Variants in CALN1 observed in about 807,000 individuals in gnomAD.
CALN1 encodes calneuron 1, also known as calcium-binding protein 8.
Under a neutral mutation model 30.6 loss-of-function variants are expected in CALN1, and 17 were observed. That is an observed-to-expected ratio of 0.56 (90% confidence interval 0.38 to 0.83). The LOEUF (loss-of-function observed/expected upper bound fraction) is 0.83, where lower values mean the gene tolerates loss of function less well. Among genes scored for constraint, CALN1 ranks in the 40% least tolerant of loss-of-function variants. CALN1 has a pLI of 0.00. For missense variants in CALN1, 291 were observed against 354.9 expected, an observed-to-expected ratio of 0.82 and a Z score of 1.45; for synonymous variants, 156 against 131.4, an observed-to-expected ratio of 1.19 and a Z score of -1.28.
chr7:71,930,800 T>G (rs1253149292), intron 5 of CALN1, among the ~76,000 whole-genome samples: 2 of 152,254 alleles, frequency 1.3e-5, no homozygotes, highest in African/African-American at 2.4e-5. Flanking sequence ...TCTCACATGC[T>G]GTTTTCTGGG....
At chr7:72,337,040 C>T in intron 2 of CALN1, 3 of 985,808 alleles carry the variant, frequency 3.0e-6, no homozygotes, top group African/African-American at 3.5e-5. Context: ...CCCTGCACCG[C>T]GCGCTCCTCT....
At chr7:72,397,714 TCACACACACACACACACACA>T (rs3138810) in intron 2 of CALN1, among the ~76,000 whole-genome samples, 2 of 142,806 alleles carry the variant, frequency 1.4e-5, no homozygotes, top group Non-Finnish European at 3.0e-5. Flanking sequence ...CCATTCTCTC[TCACACACACACACACACACA>T]CACACACACA....
chr7:72,105,960 T>C (rs1236514788), intron 4 of CALN1, among the ~76,000 whole-genome samples, 191 bp downstream of exon 4: 1 of 152,070 alleles, frequency 6.6e-6, no homozygotes, highest in Non-Finnish European at 1.5e-5. Context: ...ATAGTGGCCC[T>C]GAAACCATCT....
chr7:71,885,245 A>G (rs1330948926), intron 5 of CALN1, among the ~76,000 whole-genome samples: 1 of 152,078 alleles, frequency 6.6e-6, no homozygotes, highest in African/African-American at 2.4e-5. Flanking sequence ...TCTGCCTCCC[A>G]GGTTCACACC....
rs552168590 is a variant in CALN1 at position 72,325,516 on chromosome 7, G to A, written c.120-46706C>T. ...CTTGGGAGGCTGAGGCACAAGAATCGCTTGAACCCAGGAGGCAGAGGTTAC... is the reference window on the plus strand; with the variant it reads ...CTTGGGAGGCTGAGGCACAAGAATCACTTGAACCCAGGAGGCAGAGGTTAC... On this transcript the variant is annotated intron_variant, in intron 2 of 6. Coordinates refer to ENST00000395275, the MANE Select transcript of CALN1 (RefSeq NM_031468.4). Among the ~76,000 whole-genome samples, 26 of 152,178 alleles carry A rather than the reference G, an allele frequency of 1.7e-4. 1 individual carries two copies. The South Asian group carries it at 3.7e-3, about 22-fold the overall frequency.
chr7:72,242,758 T>C (rs78608022), intron 3 of CALN1, among the ~76,000 whole-genome samples: 16,176 of 152,046 alleles, frequency 0.11, 1,111 homozygotes, highest in Middle Eastern at 0.19. Flanking sequence ...CGTGGTGGCA[T>C]GTGCCTGTAA....
At chr7:72,138,011 A>C (rs1389212286) in intron 3 of CALN1, among the ~76,000 whole-genome samples, 2 of 152,204 alleles carry the variant, frequency 1.3e-5, no homozygotes, top group Non-Finnish European at 2.9e-5. Flanking sequence ...GAAATTATTT[A>C]AAGTAAAATA....
At chr7:71,796,289 T>C (rs1199483559) in intron 6 of CALN1, among the ~76,000 whole-genome samples, 1 of 152,046 alleles carries the variant, frequency 6.6e-6, no homozygotes, top group East Asian at 1.9e-4. Flanking sequence ...TCAATATATG[T>C]CTTAAATTCT....
intron 3 of CALN1, among the ~76,000 whole-genome samples, chr7:72,113,744 G>A (rs1294559165): frequency 1.3e-5 from 2 of 152,190 alleles, no homozygotes; most frequent in African/African-American, 2.4e-5. Flanking sequence ...AGGAACTGTG[G>A]GGCCCACAAA....
chr7:72,322,102 A>C (rs1017026595), intron 2 of CALN1, among the ~76,000 whole-genome samples: 2 of 152,158 alleles, frequency 1.3e-5, no homozygotes, highest in East Asian at 3.9e-4. Context: ...AAATAATTCT[A>C]CAACTCACCA....
chr7:71,981,032 C>T (rs960256603), intron 5 of CALN1, among the ~76,000 whole-genome samples: 2 of 152,102 alleles, frequency 1.3e-5, no homozygotes, highest in Admixed American at 1.3e-4. Flanking sequence ...CCACACTGCC[C>T]GTGGCTCCCT....
intron 5 of CALN1, among the ~76,000 whole-genome samples, chr7:71,876,513 T>C (rs1039844717): frequency 1.1e-4 from 17 of 152,180 alleles, no homozygotes; most frequent in African/African-American, 4.1e-4. Context: ...TATTCTGTTA[T>C]AGCAACAGAA....
chr7:72,027,729 ACACACAC>A (rs1159424836), intron 4 of CALN1, among the ~76,000 whole-genome samples: 7 of 77,412 alleles, frequency 9.0e-5, no homozygotes, highest in African/African-American at 2.2e-4. Context: ...ACAAACAAAC[ACACACAC>A]ACACACACAC....
chr7:72,237,964 G>A (rs979727443), intron 3 of CALN1, among the ~76,000 whole-genome samples: 3 of 152,190 alleles, frequency 2.0e-5, no homozygotes, highest in Admixed American at 1.3e-4. Flanking sequence ...TTGGCAAGTT[G>A]ATGAATGTAT....
intron 2 of CALN1, among the ~76,000 whole-genome samples, chr7:72,381,874 G>C (rs1221062774): frequency 1.3e-5 from 2 of 152,064 alleles, no homozygotes; most frequent in South Asian, 2.1e-4. Context: ...TTTAGAAAAA[G>C]AATTATAGAT....
intron 1 of CALN1, among the ~76,000 whole-genome samples, chr7:72,430,964 A>ATTTTTT (rs781481392): frequency 2.5e-5 from 3 of 118,988 alleles, no homozygotes; most frequent in Non-Finnish European, 5.2e-5. Context: ...AAGCCAAGCT[A>ATTTTTT]TTTTTTTTTT....
intron 4 of CALN1, among the ~76,000 whole-genome samples, chr7:72,064,334 C>G (rs1052255931): frequency 6.6e-6 from 1 of 151,906 alleles, no homozygotes; most frequent in Admixed American, 6.6e-5. Context: ...AATGAAAACT[C>G]GTTTTTCTCT....
At chr7:72,181,580 C>T (rs533165354) in intron 3 of CALN1, among the ~76,000 whole-genome samples, 74 of 151,678 alleles carry the variant, frequency 4.9e-4, no homozygotes, top group Non-Finnish European at 9.1e-4. Context: ...CAGGTTCAAG[C>T]GATTCTCCTC....
intron 2 of CALN1, among the ~76,000 whole-genome samples, chr7:72,346,662 C>T (rs1250919965): frequency 6.6e-6 from 1 of 152,012 alleles, no homozygotes; most frequent in African/African-American, 2.4e-5. Flanking sequence ...GTTACAGGTG[C>T]CCACCACCAA....
Sources: gnomAD v4.1 joint callset for allele counts (sites outside exome capture counted in the v4.1 genomes callset) on GRCh38, gnomAD v4.1.1 for gene constraint, MANE v1.5 for transcripts, NCBI Gene and HGNC (gene_info 2026-07-23, HGNC 2026-07-21) for gene names.